The following RSPO2 variants were observed in gnomAD, a reference collection of about 807,000 sequenced individuals.
RSPO2 encodes the protein R-spondin 2.
A neutral mutation model predicts 30.9 loss-of-function variants in RSPO2; 14 were observed. The ratio of observed to expected loss-of-function variants is 0.45; its 90% CI spans 0.30 to 0.71. The LOEUF (loss-of-function observed/expected upper bound fraction) is 0.71, where lower values mean the gene tolerates loss of function less well. Ranked by LOEUF, RSPO2 falls within the 30% of genes least tolerant of loss-of-function variation. The pLI is 0.08. For missense variants in RSPO2, 264 were observed against 301.9 expected (o/e 0.87, Z 0.93); for synonymous variants, 107 against 96.4 (o/e 1.11, Z -0.64).
At chr8:107,989,781 A>C (rs1814783838) in intron 2 of RSPO2, among the ~76,000 whole-genome samples, 2 of 152,358 alleles carry the variant, frequency 1.3e-5, no homozygotes, top group South Asian at 4.1e-4. Flanking sequence ...TGGGGGCTAT[A>C]TGATGTTGAC....
intron 2 of RSPO2, among the ~76,000 whole-genome samples, chr8:107,998,550 A>G (rs1815106736): frequency 6.6e-6 from 1 of 152,196 alleles, no homozygotes; most frequent in Admixed American, 6.5e-5. Flanking sequence ...TTAATGCTAG[A>G]CCATCACCAT....
chr8:108,052,331 C>A (rs934002683), intron 2 of RSPO2, among the ~76,000 whole-genome samples: 2 of 152,174 alleles, frequency 1.3e-5, no homozygotes, highest in African/African-American at 4.8e-5. Flanking sequence ...GAAACTCAAA[C>A]TTACCTATGA....
At chr8:108,059,760 C>G (rs1333496988) in intron 2 of RSPO2, among the ~76,000 whole-genome samples, 1 of 148,736 alleles carries the variant, frequency 6.7e-6, no homozygotes, top group Non-Finnish European at 1.5e-5. Flanking sequence ...GAACAAAAAA[C>G]CAAACACCAC....
intron 2 of RSPO2, among the ~76,000 whole-genome samples, chr8:107,994,114 A>G (rs1268987428): frequency 6.6e-6 from 1 of 152,144 alleles, no homozygotes; most frequent in Non-Finnish European, 1.5e-5. Context: ...GCACTAGTCA[A>G]TTCGCTAAAG....
At position 108,063,050 on chromosome 8, in the gene RSPO2, T is replaced by C. The variant is rs539928094; in HGVS notation, c.94+19495A>G. On this transcript the variant is annotated intron_variant, in intron 2 of 5. Coordinates refer to ENST00000276659, the MANE Select transcript of RSPO2 (RefSeq NM_178565.5). ...AGTATCTCAAAATAATAAGAGCTATTTATGACAAACCCACAGCCAATATCA... is the reference window on the plus strand; with the variant it reads ...AGTATCTCAAAATAATAAGAGCTATCTATGACAAACCCACAGCCAATATCA... Among the ~76,000 whole-genome samples the C allele has an allele frequency of 3.3e-5, 5 of 149,622 alleles. 2 individuals carry two copies. The highest frequency in any genetic ancestry group is 2.0e-4 in the Admixed American group (3 of 15,180).
chr8:107,953,429 G>A (rs894461660), intron 5 of RSPO2, among the ~76,000 whole-genome samples: 1 of 152,164 alleles, frequency 6.6e-6, no homozygotes, highest in Non-Finnish European at 1.5e-5. Context: ...TCAACACTTT[G>A]GCCCTTATGC....
chr8:108,054,278 G>T (rs1812168400), intron 2 of RSPO2, among the ~76,000 whole-genome samples: 2 of 152,084 alleles, frequency 1.3e-5, no homozygotes, highest in African/African-American at 4.8e-5. Flanking sequence ...CTCAAGCAGG[G>T]TCCAGTGGAG....
At chr8:107,983,514 C>A (rs1424877892) in intron 3 of RSPO2, 1 of 1,600,642 alleles carries the variant, frequency 6.2e-7, no homozygotes, top group East Asian at 2.2e-5. Flanking sequence ...TTCAGGGGAT[C>A]TTTGACAGGG....
intron 2 of RSPO2, among the ~76,000 whole-genome samples, chr8:108,049,769 T>A (rs535144761): frequency 6.6e-6 from 1 of 152,318 alleles, no homozygotes; most frequent in South Asian, 2.1e-4. Flanking sequence ...TTCCATGGTG[T>A]ATATGTGCCA....
chr8:108,045,284 C>T (rs754300735), intron 2 of RSPO2, among the ~76,000 whole-genome samples: 25 of 152,046 alleles, frequency 1.6e-4, no homozygotes, highest in Admixed American at 5.2e-4. Flanking sequence ...ACAGACACTT[C>T]TCAAAAGAAG....
At chr8:107,948,871 AAAT>A in intron 5 of RSPO2, among the ~76,000 whole-genome samples, 2 of 148,912 alleles carry the variant, frequency 1.3e-5, no homozygotes, top group African/African-American at 5.1e-5. Context: ...AAAAAAAAAT[AAAT>A]AAATAAATAA....
chr8:107,962,514 G>A (rs1370526180), intron 3 of RSPO2, among the ~76,000 whole-genome samples: 1 of 152,110 alleles, frequency 6.6e-6, no homozygotes, highest in Non-Finnish European at 1.5e-5. Flanking sequence ...CTCCTTTGGT[G>A]GGGAGGGAAA....
chr8:108,064,861 A>G (rs2130712320), intron 2 of RSPO2, among the ~76,000 whole-genome samples: 1 of 152,298 alleles, frequency 6.6e-6, no homozygotes, highest in East Asian at 1.9e-4. Context: ...GGATGAGTAC[A>G]TGTCCTTTGT....
chr8:108,000,479 A>C (rs7006700), intron 2 of RSPO2, among the ~76,000 whole-genome samples: 4,371 of 152,188 alleles, frequency 0.029, 156 homozygotes, highest in African/African-American at 0.088. Context: ...CTTTTGAGAA[A>C]TATTTTTGTG....
rs116001915 is a variant in RSPO2, at chr8:107,899,480, C to A, written c.*1595G>T. 857 of 152,548 alleles carry A rather than the reference C, an allele frequency of 5.6e-3. 5 individuals carry two copies. Among genetic ancestry groups the A allele is most frequent in the African/African-American group, 0.02 (827 of 41,486 alleles). The allele number at this position is 152,548 out of a possible 1,614,324, so 9.4% of individuals were successfully genotyped here. A position where few individuals can be genotyped will look rare whatever the true frequency, so the allele number is the denominator to read the frequency against. ...GTAACACTTCAGGATTAAATGTAAA[C>A]CCTAAAGTTGTATACAACATTCATA... On this transcript the variant is annotated 3_prime_UTR_variant, in exon 6 of 6. Coordinates refer to ENST00000276659, the MANE Select transcript of RSPO2 (RefSeq NM_178565.5).
intron 5 of RSPO2, among the ~76,000 whole-genome samples, chr8:107,945,732 C>T (rs1813040584): frequency 6.6e-6 from 1 of 152,090 alleles, no homozygotes; most frequent in Non-Finnish European, 1.5e-5. Flanking sequence ...GTCCCATACT[C>T]CAGGTCTATA....
rs746710078 is a variant in RSPO2 at position 108,079,650 on chromosome 8, C to T, written c.94+2895G>A. Among the ~76,000 whole-genome samples the T allele has an allele frequency of 1.0e-4, 15 of 150,502 alleles. No homozygotes were observed. In the South Asian group the frequency reaches 2.3e-3, roughly 23 times the overall value. ...GACTAAACATAATGCCAAAGGAGTT[C>T]GGAGAATGCTCCACAGTGAAGGTTT... On this transcript the variant is annotated intron_variant, in intron 2 of 5. Coordinates refer to ENST00000276659, the MANE Select transcript of RSPO2 (RefSeq NM_178565.5).
At chr8:108,060,470 A>G (rs776581928) in intron 2 of RSPO2, among the ~76,000 whole-genome samples, 4 of 151,820 alleles carry the variant, frequency 2.6e-5, no homozygotes, top group Non-Finnish European at 4.4e-5. Flanking sequence ...AAGCGAGAAG[A>G]GAAGTTTAGA....
chr8:107,987,642 A>G (rs1257131880), intron 3 of RSPO2, among the ~76,000 whole-genome samples: 2 of 152,224 alleles, frequency 1.3e-5, no homozygotes, highest in African/African-American at 4.8e-5. Flanking sequence ...CATGAAACAG[A>G]GAACTGCATT....
Sources: gnomAD v4.1 joint callset for allele counts (sites outside exome capture counted in the v4.1 genomes callset) on GRCh38, gnomAD v4.1.1 for gene constraint, MANE v1.5 for transcripts, NCBI Gene and HGNC (gene_info 2026-07-23, HGNC 2026-07-21) for gene names.